ADGRB3: variants seen among roughly 807,000 people sequenced by gnomAD.
The protein encoded by ADGRB3 is adhesion G protein-coupled receptor B3.
ADGRB3 carries 37 observed loss-of-function variants against 193.4 expected under a neutral mutation model. That is an observed-to-expected ratio of 0.19 (90% CI 0.15 to 0.25). The LOEUF is 0.25. ADGRB3 is among the 10% of genes least tolerant of loss of function. The pLI is 1.00. For synonymous variants in ADGRB3, 690 were observed against 644.2 expected (o/e 1.07, Z -1.08); for missense variants, 1,637 against 1,852.9 (o/e 0.88, Z 2.14).
intron 17 of ADGRB3, among the ~76,000 whole-genome samples, chr6:69,108,780 A>G (rs1773288377): frequency 6.6e-6 from 1 of 152,222 alleles, no homozygotes; most frequent in Non-Finnish European, 1.5e-5. Flanking sequence ...AAAACTGTGT[A>G]GTGCCCTCAA....
At chr6:69,156,857 A>G (rs1272408091) in intron 17 of ADGRB3, among the ~76,000 whole-genome samples, 3 of 152,216 alleles carry the variant, frequency 2.0e-5, no homozygotes, top group Non-Finnish European at 4.4e-5. Context: ...TTACAAATGA[A>G]GAAACTAAAC....
intron 19 of ADGRB3, among the ~76,000 whole-genome samples, chr6:69,235,878 C>A (rs183716129): frequency 2.0e-5 from 3 of 151,552 alleles, no homozygotes; most frequent in Non-Finnish European, 3.0e-5. Flanking sequence ...AGACATATGG[C>A]CAAAGTACTG....
chr6:69,154,183 A>T (rs539320078), intron 17 of ADGRB3, among the ~76,000 whole-genome samples: 4 of 152,106 alleles, frequency 2.6e-5, no homozygotes, highest in South Asian at 2.1e-4. Flanking sequence ...TGTCTCCATC[A>T]CAGATCAATG....
intron 3 of ADGRB3, among the ~76,000 whole-genome samples, chr6:68,768,110 A>G (rs1394864015): frequency 6.6e-6 from 1 of 152,214 alleles, no homozygotes; most frequent in African/African-American, 2.4e-5. Flanking sequence ...AAGTGGCCAT[A>G]CTGCCCAAAG....
intron 22 of ADGRB3, among the ~76,000 whole-genome samples, chr6:69,329,382 T>G (rs1413100210): frequency 6.6e-6 from 1 of 152,222 alleles, no homozygotes; most frequent in Admixed American, 6.5e-5. Flanking sequence ...TACACATATT[T>G]GGGTATATCT....
intron 3 of ADGRB3, among the ~76,000 whole-genome samples, chr6:68,748,702 C>T (rs181824931): frequency 1.3e-5 from 2 of 152,232 alleles, no homozygotes; most frequent in Admixed American, 6.5e-5. Context: ...GGATGGTGGC[C>T]CTCTTCTCAC....
rs924102319 is a variant in ADGRB3 at position 68,676,402 on chromosome 6, A to G, written c.757+36970A>G. ...GAGACTCTGTCTCAAAAAAAAAAAA[A>G]AAAAAAAAAGAAAAGGAGAGAGAGA... On this transcript the variant is annotated intron_variant, in intron 3 of 31. Transcript: ENST00000370598. 2.5e-3 allele frequency among the ~76,000 whole-genome samples: 384 copies of G among 151,738 alleles called. 1 individual carries two copies. The highest frequency in any genetic ancestry group is 3.6e-3 in the Non-Finnish European group (246 of 67,896).
At chr6:68,980,027 A>G (rs1046729215) in intron 10 of ADGRB3, among the ~76,000 whole-genome samples, 3 of 151,488 alleles carry the variant, frequency 2.0e-5, no homozygotes, top group African/African-American at 4.8e-5. Flanking sequence ...TTGGACAGGT[A>G]TATCACTCCT....
rs753745328 is a variant in ADGRB3, at chr6:69,339,450, T to C, written c.3405T>C (p.Phe1135=). ...SILFQILFAV[F]DSLQGFVIVM... ...TGTTTCAAATACTTTTTGCTGTGTT[T>C]GATTCATTGCAAGGCTTTGTTATAG... The change falls in exon 26 of 32, where the codon TTT becomes TTC. Residue 1135 remains phenylalanine, a synonymous_variant. Transcript: ENST00000370598. 1 of 1,614,070 alleles carries C rather than the reference T, an allele frequency of 6.2e-7. No homozygotes were observed. The highest frequency in any genetic ancestry group is 8.5e-7 in the Non-Finnish European group (1 of 1,179,922).
chr6:68,913,268 C>T (rs938299537), intron 3 of ADGRB3, among the ~76,000 whole-genome samples: 10 of 152,080 alleles, frequency 6.6e-5, no homozygotes, highest in Admixed American at 2.0e-4. Context: ...CCCTGACCCC[C>T]GAGCAGCCTA....
chr6:68,861,793 A>G (rs181484574), intron 3 of ADGRB3, among the ~76,000 whole-genome samples: 18 of 152,190 alleles, frequency 1.2e-4, no homozygotes, highest in Admixed American at 1.1e-3. Context: ...GTTCAAATTT[A>G]TGTCATTTTC....
chr6:69,015,972 T>A (rs1770078928), intron 12 of ADGRB3, among the ~76,000 whole-genome samples: 1 of 151,966 alleles, frequency 6.6e-6, no homozygotes, highest in African/African-American at 2.4e-5. Flanking sequence ...CGTCATTACA[T>A]TGAAAATTCA....
At chr6:69,279,069 A>G (rs1251952705) in intron 20 of ADGRB3, among the ~76,000 whole-genome samples, 4 of 57,032 alleles carry the variant, frequency 7.0e-5, no homozygotes, top group Middle Eastern at 7.2e-3. Flanking sequence ...TTAAATACAT[A>G]TGTATATATA....
chr6:69,229,190 A>G (rs1196473413), intron 17 of ADGRB3, among the ~76,000 whole-genome samples: 1 of 152,182 alleles, frequency 6.6e-6, no homozygotes, highest in Admixed American at 6.5e-5. Context: ...TTTAAAGTAG[A>G]AATTAACGTC....
intron 20 of ADGRB3, among the ~76,000 whole-genome samples, chr6:69,267,010 T>G (rs954033651): frequency 6.6e-6 from 1 of 152,072 alleles, no homozygotes; most frequent in Admixed American, 6.6e-5. Flanking sequence ...TTGTGCAAGA[T>G]TATGATTTTC....
intron 16 of ADGRB3, among the ~76,000 whole-genome samples, chr6:69,068,116 T>G (rs62416808): frequency 0.12 from 18,905 of 152,094 alleles, 1,274 homozygotes; most frequent in Middle Eastern, 0.25. Context: ...GCAGGTCAGA[T>G]TTGGCTCATG....
rs1158747637 is a variant in ADGRB3, at chr6:68,661,423, ATGTGTATACATATATATATG to A, written c.757+22009_757+22028del. ...TACATATATATGTGTGTGTATATATATGTGTATACATATATATATGTGTGTATACATATATATGTGTGTAT... is the reference window on the plus strand; with the variant it reads ...TACATATATATGTGTGTGTATATATATGTGTATACATATATATGTGTGTAT... On this transcript the variant is annotated intron_variant, in intron 3 of 31. Coordinates refer to ENST00000370598, the MANE Select transcript of ADGRB3 (RefSeq NM_001704.3). Among the ~76,000 whole-genome samples the A allele has an allele frequency of 4.0e-4, 42 of 106,174 alleles. 3 individuals carry two copies. The highest frequency in any genetic ancestry group is 1.1e-3 in the African/African-American group (29 of 25,828). 69.7% of individuals were successfully genotyped at this position (106,174 alleles called of 152,430 possible). A position where few individuals can be genotyped will look rare whatever the true frequency, so the allele number is the denominator to read the frequency against.
intron 16 of ADGRB3, among the ~76,000 whole-genome samples, chr6:69,063,437 C>T (rs1293509422): frequency 6.6e-6 from 1 of 151,964 alleles, no homozygotes; most frequent in Non-Finnish European, 1.5e-5. Flanking sequence ...TGGTAGTATA[C>T]AATTATCCAA....
intron 3 of ADGRB3, among the ~76,000 whole-genome samples, chr6:68,806,687 T>C (rs189459496): frequency 6.6e-6 from 1 of 151,862 alleles, no homozygotes. Context: ...TAACACATAA[T>C]AAGAATATGT....
Sources: gnomAD v4.1 joint callset for allele counts (sites outside exome capture counted in the v4.1 genomes callset) on GRCh38, gnomAD v4.1.1 for gene constraint, MANE v1.5 for transcripts, NCBI Gene and HGNC (gene_info 2026-07-23, HGNC 2026-07-21) for gene names.